Variants in ALPK1 observed in about 807,000 individuals in gnomAD.
ALPK1 encodes the protein alpha kinase 1.
In ALPK1, 110 loss-of-function variants were observed where a neutral mutation model predicts 120.6. The observed-to-expected ratio is 0.91, with a 90% CI of 0.78 to 1.07. The LOEUF is 1.07. Among genes scored for constraint, ALPK1 ranks in the 50% least tolerant of loss-of-function variants. The pLI, the probability that ALPK1 is intolerant of heterozygous loss-of-function variation, is 0.00. For synonymous variants in ALPK1, 582 were observed against 560.3 expected (o/e 1.04, Z -0.55); for missense variants, 1,498 against 1,483.9 (o/e 1.01, Z -0.16).
At chr4:112,426,798 C>G (rs10020092) in intron 8 of ALPK1, among the ~76,000 whole-genome samples, 4 of 152,032 alleles carry the variant, frequency 2.6e-5, no homozygotes, top group African/African-American at 9.7e-5. Flanking sequence ...TTTATCTCTA[C>G]TGGTCCATTC....
In ALPK1 at chr4:112,327,689, C is replaced by T. The variant is rs1040564391; in HGVS notation, c.-101+11837C>T. ...CGAATTCCTGGCATCAGGTGATCCTCCTGCCTTGGCCTCCCAAAGCACTGG... is the reference window on the plus strand; with the variant it reads ...CGAATTCCTGGCATCAGGTGATCCTTCTGCCTTGGCCTCCCAAAGCACTGG... On this transcript the variant is annotated intron_variant, in intron 2 of 15. Transcript: ENST00000650871. 5.3e-5 allele frequency among the ~76,000 whole-genome samples: 8 copies of T among 152,156 alleles called. No individual in the cohort carries two copies. The East Asian group carries it at 7.7e-4, about 15-fold the overall frequency.
At chr4:112,368,241 C>T (rs1178715770) in intron 2 of ALPK1, among the ~76,000 whole-genome samples, 11 of 152,140 alleles carry the variant, frequency 7.2e-5, no homozygotes, top group Admixed American at 5.2e-4. Context: ...TTTATCGAAT[C>T]TATGCATTCA....
At chr4:112,435,079 A>T (rs965821774) in intron 11 of ALPK1, 69 bp from the exon 12 acceptor site, 1 of 1,492,870 alleles carries the variant, frequency 6.7e-7, no homozygotes, top group Non-Finnish European at 9.2e-7. Context: ...CCTGTGTCAC[A>T]TCAGCTTTAT....
intron 4 of ALPK1, among the ~76,000 whole-genome samples, chr4:112,400,121 GGATTGCTGGGTCAAATGA>G (rs1560670920): frequency 6.6e-6 from 1 of 152,172 alleles, no homozygotes; most frequent in African/African-American, 2.4e-5. Context: ...CCCAGTAATG[GGATTGCTGGGTCAAATGA>G]TATTTCTGGT....
chr4:112,305,544 C>G (rs1409372703), intron 1 of ALPK1, among the ~76,000 whole-genome samples: 16 of 152,160 alleles, frequency 1.1e-4, no homozygotes, highest in Admixed American at 6.5e-5. Context: ...TGATTTGGCT[C>G]TCTGTTTGTC....
chr4:112,369,543 C>T (rs1248402498), intron 2 of ALPK1, among the ~76,000 whole-genome samples: 1 of 151,462 alleles, frequency 6.6e-6, no homozygotes, highest in Non-Finnish European at 1.5e-5. Flanking sequence ...ATTAGCTGGG[C>T]ATGGTGGTGC....
intron 2 of ALPK1, chr4:112,357,272 G>A: frequency 7.9e-7 from 1 of 1,263,964 alleles, no homozygotes; most frequent in Non-Finnish European, 1.1e-6. Flanking sequence ...ACGTGCTGGG[G>A]TGTTCGCCAA....
intron 1 of ALPK1, among the ~76,000 whole-genome samples, chr4:112,306,334 C>T (rs904722578): frequency 2.0e-5 from 3 of 152,078 alleles, no homozygotes; most frequent in Non-Finnish European, 4.4e-5. Context: ...GTACCAGCCC[C>T]TCTTTGTACC....
intron 5 of ALPK1, chr4:112,423,731 G>C (rs981618883): frequency 1.6e-5 from 11 of 682,570 alleles, no homozygotes; most frequent in Admixed American, 1.4e-4. Context: ...TTCAGATACT[G>C]TCCAACTTCC....
intron 5 of ALPK1, chr4:112,414,253 T>C (rs766450494): frequency 1.4e-5 from 7 of 491,170 alleles, no homozygotes; most frequent in Non-Finnish European, 2.8e-5. Context: ...CGCTTCCTGG[T>C]ATCCACCACA....
At chr4:112,354,336 G>C (rs779541171) in intron 2 of ALPK1, among the ~76,000 whole-genome samples, 1 of 151,522 alleles carries the variant, frequency 6.6e-6, no homozygotes, top group African/African-American at 2.4e-5. Context: ...TCACATTTAA[G>C]TTTTTAACTA....
chr4:112,409,132 T>C (rs1394736725), intron 4 of ALPK1, among the ~76,000 whole-genome samples: 2 of 150,494 alleles, frequency 1.3e-5, no homozygotes, highest in Non-Finnish European at 3.0e-5. Context: ...GATTGATACG[T>C]TGGTTTTTTA....
chr4:112,336,367 A>G (rs941624006), intron 2 of ALPK1, among the ~76,000 whole-genome samples: 6 of 152,252 alleles, frequency 3.9e-5, no homozygotes, highest in Admixed American at 3.9e-4. Context: ...CAGGGAAGAC[A>G]GACCTACAGA....
intron 2 of ALPK1, among the ~76,000 whole-genome samples, chr4:112,333,944 G>T (rs554134211): frequency 1.1e-4 from 17 of 149,330 alleles, no homozygotes; most frequent in Non-Finnish European, 1.5e-4. Flanking sequence ...GTTTTTTTTT[G>T]GTAAACAGCA....
chr4:112,344,419 A>G (rs1000928317), intron 2 of ALPK1, among the ~76,000 whole-genome samples: 3 of 152,212 alleles, frequency 2.0e-5, no homozygotes, highest in Non-Finnish European at 4.4e-5. Context: ...TCTTTCTAGT[A>G]TAGTTAAAGT....
In ALPK1 at chr4:112,377,850, G is replaced by A; in HGVS notation, c.73G>A (p.Ala25Thr). The A allele has an allele frequency of 4.3e-6, 7 of 1,613,624 alleles. No homozygotes were observed. Among genetic ancestry groups the A allele is most frequent in the Non-Finnish European group, 5.9e-6 (7 of 1,179,650 alleles). Reference sequence around the variant, plus strand: ...AGTGCTGGATCAGCTCTTGTTGGAAGCGCCAGATGTGTCGGAAGAGGACAA... The same window carrying A: ...AGTGCTGGATCAGCTCTTGTTGGAAACGCCAGATGTGTCGGAAGAGGACAA... ...KQVLDQLLLE[A>T]PDVSEEDKSE... The change falls in exon 3 of 16, where the codon GCG becomes ACG. Residue 25 changes from alanine to threonine, a missense_variant. By Grantham distance (58) the Ala-to-Thr change is moderately conservative. Coordinates refer to ENST00000650871, the MANE Select transcript of ALPK1 (RefSeq NM_025144.4).
chr4:112,409,594 G>T (rs1733356241), intron 4 of ALPK1, among the ~76,000 whole-genome samples: 1 of 151,988 alleles, frequency 6.6e-6, no homozygotes, highest in African/African-American at 2.4e-5. Context: ...ATGTAGGGCG[G>T]CTTACTAGAC....
At chr4:112,327,076 G>C (rs1435174465) in intron 2 of ALPK1, among the ~76,000 whole-genome samples, 2 of 152,220 alleles carry the variant, frequency 1.3e-5, no homozygotes, top group Non-Finnish European at 1.5e-5. Flanking sequence ...TTCAAAGTGA[G>C]GGGGAGAGGG....
chr4:112,412,260 G>C (rs1733516700), intron 5 of ALPK1, among the ~76,000 whole-genome samples: 1 of 152,232 alleles, frequency 6.6e-6, no homozygotes, highest in South Asian at 2.1e-4. Context: ...TTGTGAAAGG[G>C]TGTGGAAAAT....
Sources: gnomAD v4.1 joint callset for allele counts (sites outside exome capture counted in the v4.1 genomes callset) on GRCh38, gnomAD v4.1.1 for gene constraint, MANE v1.5 for transcripts, NCBI Gene and HGNC (gene_info 2026-07-23, HGNC 2026-07-21) for gene names.